RELN: variants seen among roughly 807,000 people sequenced by gnomAD.
The protein encoded by RELN is reelin.
In RELN, 108 loss-of-function variants were observed where a neutral mutation model predicts 427.6. That is an observed-to-expected ratio of 0.25 (90% CI 0.22 to 0.30). The LOEUF is 0.30. RELN is among the 10% of genes least tolerant of loss of function. The probability of loss-of-function intolerance (pLI) is 1.00; values close to 1 mark genes in which losing one functional copy is unlikely to be tolerated. For synonymous variants in RELN, 1,524 were observed against 1,513.4 expected (o/e 1.01, Z -0.16); for missense variants, 3,715 against 4,302.8 (o/e 0.86, Z 3.82).
At chr7:103,738,559 C>T (rs897616812) in intron 6 of RELN, among the ~76,000 whole-genome samples, 6 of 151,680 alleles carry the variant, frequency 4.0e-5, no homozygotes, top group Admixed American at 6.6e-5. Context: ...CCAGTCAACT[C>T]TCTGTCCCCG....
chr7:103,542,523 CTGAT>C (rs1830196375), intron 43 of RELN, among the ~76,000 whole-genome samples: 1 of 152,138 alleles, frequency 6.6e-6, no homozygotes, highest in Non-Finnish European at 1.5e-5. Context: ...TGTTTCCTTT[CTGAT>C]TAAGTTATTG....
chr7:103,565,603 T>G, intron 33 of RELN, 52 bp from the exon 34 acceptor site: 3 of 1,569,540 alleles, frequency 1.9e-6, no homozygotes, highest in Non-Finnish European at 2.6e-6. Context: ...ATTTTCTTAT[T>G]TGGTGTTTAT....
At chr7:103,761,068 T>C (rs1398766221) in intron 4 of RELN, among the ~76,000 whole-genome samples, 1 of 152,216 alleles carries the variant, frequency 6.6e-6, no homozygotes, top group Non-Finnish European at 1.5e-5. Context: ...AGCTAAATTA[T>C]ACACAGAACC....
intron 6 of RELN, among the ~76,000 whole-genome samples, chr7:103,739,239 T>C (rs1026768605): frequency 1.9e-4 from 29 of 152,216 alleles, no homozygotes; most frequent in African/African-American, 6.8e-4. Flanking sequence ...AGTGCAATAA[T>C]TTAATTCATA....
At chr7:103,666,134 G>A (rs1420174050) in intron 11 of RELN, among the ~76,000 whole-genome samples, 1 of 151,782 alleles carries the variant, frequency 6.6e-6, no homozygotes, top group Non-Finnish European at 1.5e-5. Context: ...TGCAATTCAT[G>A]GCTCATGGTA....
At position 103,673,809 on chromosome 7, in the gene RELN, A is replaced by AATTTTCTT. The variant is rs527819807; in HGVS notation, c.1289+8299_1289+8306dup. ...AATAAATCTTACCTAGAGGGTTTAG[A>AATTTTCTT]ATTTTCTTTTATTGGTGTTCTAAAA... On this transcript the variant is annotated intron_variant, in intron 11 of 64. Transcript: ENST00000428762. Among the ~76,000 whole-genome samples the AATTTTCTT allele has an allele frequency of 4.0e-4, 61 of 152,206 alleles. No homozygotes were observed. In the East Asian group the frequency reaches 0.011, roughly 27 times the overall value.
chr7:103,759,990 C>CTTTTTTTTTTTTTTTTTTTTTTTTTT (rs57019839), intron 4 of RELN, among the ~76,000 whole-genome samples: 2 of 64,912 alleles, frequency 3.1e-5, no homozygotes, highest in South Asian at 5.3e-4. Flanking sequence ...CACAGTCATA[C>CTTTTTTTTTTTTTTTTTTTTTTTTTT]TTTTTTTTTT....
intron 36 of RELN, among the ~76,000 whole-genome samples, chr7:103,558,300 T>C (rs147487406): frequency 2.4e-4 from 37 of 152,292 alleles, no homozygotes; most frequent in African/African-American, 8.4e-4. Flanking sequence ...GTGACTCTTC[T>C]AAAAAGCGGT....
chr7:103,720,374 T>TA (rs1385613653), intron 8 of RELN, among the ~76,000 whole-genome samples: 3 of 152,072 alleles, frequency 2.0e-5, no homozygotes, highest in Non-Finnish European at 4.4e-5. Flanking sequence ...ATCAACACAA[T>TA]AATTTCTCCA....
At chr7:103,925,019 C>G in intron 1 of RELN, among the ~76,000 whole-genome samples, 1 of 97,408 alleles carries the variant, frequency 1.0e-5, no homozygotes, top group East Asian at 3.8e-4. Context: ...CACACACACA[C>G]ACACACACAC....
intron 2 of RELN, among the ~76,000 whole-genome samples, chr7:103,875,130 T>G (rs76359024): frequency 0.061 from 7,641 of 125,596 alleles, 368 homozygotes; most frequent in East Asian, 0.12. Context: ...TTTAATAAAT[T>G]GTGCTGGGAA....
At chr7:103,609,495 T>C (rs1031862910) in intron 22 of RELN, among the ~76,000 whole-genome samples, 4 of 152,274 alleles carry the variant, frequency 2.6e-5, no homozygotes, top group East Asian at 3.9e-4. Flanking sequence ...AAAAGTAGAA[T>C]GCTAGAGAAA....
At position 103,898,697 on chromosome 7, in the gene RELN, CACATATATTGA is replaced by C. The variant is rs144203328; in HGVS notation, c.337+18367_337+18377del. ...TTAGCAGTAAGTTGAATATTTTGCT[CACATATATTGA>C]ACATTTGTATTTCTTTGTAAATGCT... On this transcript the variant is annotated intron_variant, in intron 2 of 64. Transcript: ENST00000428762. Among the ~76,000 whole-genome samples, 1,413 of 152,108 alleles carry C rather than the reference CACATATATTGA, an allele frequency of 9.3e-3. 24 individuals carry two copies. The highest frequency in any genetic ancestry group is 0.032 in the African/African-American group (1,344 of 41,516).
intron 8 of RELN, among the ~76,000 whole-genome samples, chr7:103,708,797 C>T (rs962653794): frequency 3.9e-5 from 6 of 152,100 alleles, no homozygotes; most frequent in Non-Finnish European, 7.4e-5. Context: ...TTACACGATT[C>T]GGGCCTCTGT....
intron 46 of RELN, among the ~76,000 whole-genome samples, chr7:103,525,695 GT>G (rs76372202): frequency 0.12 from 17,157 of 139,018 alleles, 1,227 homozygotes; most frequent in South Asian, 0.24. Flanking sequence ...TATTCATTCT[GT>G]TTTTTTTTTT....
At chr7:103,688,070 G>A (rs904995457) in intron 10 of RELN, among the ~76,000 whole-genome samples, 2 of 151,946 alleles carry the variant, frequency 1.3e-5, no homozygotes, top group African/African-American at 2.4e-5. Context: ...CCACCTCTTG[G>A]GGGAAACATG....
intron 16 of RELN, among the ~76,000 whole-genome samples, chr7:103,642,754 T>G (rs1272896955): frequency 6.6e-6 from 1 of 152,098 alleles, no homozygotes; most frequent in African/African-American, 2.4e-5. Flanking sequence ...CTAAACCACT[T>G]TGATGATTAT....
intron 3 of RELN, among the ~76,000 whole-genome samples, chr7:103,821,789 T>A (rs979932918): frequency 1.5e-5 from 2 of 134,812 alleles, no homozygotes; most frequent in African/African-American, 2.5e-5. Context: ...TGTACATTTT[T>A]AATTAGAAGG....
intron 6 of RELN, among the ~76,000 whole-genome samples, chr7:103,743,968 C>T (rs1584456931): frequency 6.6e-6 from 1 of 152,176 alleles, no homozygotes; most frequent in African/African-American, 2.4e-5. Flanking sequence ...ACATTCTTTT[C>T]AGCACCACAC....
Sources: allele counts gnomAD v4.1 joint callset (sites outside exome capture counted in the v4.1 genomes callset), GRCh38; gene constraint gnomAD v4.1.1; transcripts MANE v1.5; gene names NCBI Gene and HGNC (gene_info 2026-07-23, HGNC 2026-07-21).